Variants in CDK14 observed in about 807,000 individuals in gnomAD.
CDK14 encodes cyclin dependent kinase 14, also known as cyclin-dependent kinase 14.
CDK14 carries 34 observed loss-of-function variants against 60.7 expected under a neutral mutation model. The observed-to-expected ratio is 0.56, with a 90% confidence interval of 0.43 to 0.75. The LOEUF is 0.75. CDK14 is among the 30% of genes least tolerant of loss of function. CDK14 has a pLI of 0.00. For missense variants in CDK14, 482 were observed against 564.1 expected, an observed-to-expected ratio of 0.85 and a Z score of 1.47; for synonymous variants, 197 against 203.7, an observed-to-expected ratio of 0.97 and a Z score of 0.28.
At chr7:90,627,205 T>C (rs1457523085) in intron 2 of CDK14, among the ~76,000 whole-genome samples, 2 of 152,026 alleles carry the variant, frequency 1.3e-5, no homozygotes, top group East Asian at 1.9e-4. Flanking sequence ...GTGGCTACTA[T>C]TGGTCAGCAC....
chr7:90,984,028 A>G (rs1795312435), intron 9 of CDK14, 120 bp from the exon 10 acceptor site: 1 of 690,988 alleles, frequency 1.4e-6, no homozygotes, highest in African/African-American at 1.8e-5. Flanking sequence ...GTTAGAGGGG[A>G]AAAAGGAAAC....
chr7:91,145,423 A>T (rs950219066), intron 14 of CDK14, among the ~76,000 whole-genome samples: 1 of 152,224 alleles, frequency 6.6e-6, no homozygotes, highest in African/African-American at 2.4e-5. Context: ...GCCAGTCTTT[A>T]AAAGTCGCAA....
At chr7:90,910,031 G>A (rs1410827850) in intron 7 of CDK14, among the ~76,000 whole-genome samples, 2 of 152,086 alleles carry the variant, frequency 1.3e-5, no homozygotes, top group African/African-American at 2.4e-5. Context: ...AAAAATACAC[G>A]TGGAAGGACT....
At chr7:91,177,419 T>A (rs1192569828) in intron 14 of CDK14, among the ~76,000 whole-genome samples, 1,244 of 103,074 alleles carry the variant, frequency 0.012, no homozygotes, top group African/African-American at 0.017. Flanking sequence ...ATACCCTCTC[T>A]CACCACTCCT....
intron 14 of CDK14, among the ~76,000 whole-genome samples, chr7:91,135,635 A>G (rs1317235607): frequency 2.6e-5 from 4 of 152,150 alleles, no homozygotes; most frequent in Non-Finnish European, 5.9e-5. Context: ...GCAGAAGGAA[A>G]TCAGCTGAAG....
At chr7:90,687,470 TAGA>T (rs1801460526) in intron 2 of CDK14, among the ~76,000 whole-genome samples, 1 of 152,002 alleles carries the variant, frequency 6.6e-6, no homozygotes, top group African/African-American at 2.4e-5. Flanking sequence ...TTTGGTTTGA[TAGA>T]AGATGGAAAA....
At chr7:91,120,418 T>C (rs932580189) in intron 14 of CDK14, among the ~76,000 whole-genome samples, 1 of 152,218 alleles carries the variant, frequency 6.6e-6, no homozygotes, top group Non-Finnish European at 1.5e-5. Flanking sequence ...TCTTCACATA[T>C]ATTTTTTAAA....
intron 10 of CDK14, among the ~76,000 whole-genome samples, chr7:90,988,598 A>T (rs901705875): frequency 2.6e-5 from 4 of 152,304 alleles, no homozygotes; most frequent in African/African-American, 9.6e-5. Flanking sequence ...TGTATTCTAA[A>T]CATATTATTC....
At chr7:90,768,049 T>G (rs777841284) in intron 4 of CDK14, among the ~76,000 whole-genome samples, 4 of 152,270 alleles carry the variant, frequency 2.6e-5, no homozygotes, top group Non-Finnish European at 5.9e-5. Flanking sequence ...TCACATAAAC[T>G]GTCAGATACA....
intron 2 of CDK14, among the ~76,000 whole-genome samples, chr7:90,714,598 A>G (rs1563054374): frequency 1.3e-5 from 2 of 152,068 alleles, no homozygotes; most frequent in Non-Finnish European, 2.9e-5. Context: ...TCAAAGGTTC[A>G]TTGTTCCCAG....
intron 2 of CDK14, chr7:90,692,677 T>C: frequency 1.0e-6 from 1 of 979,868 alleles, no homozygotes; most frequent in Middle Eastern, 5.2e-4. Flanking sequence ...CTCTGCTTCC[T>C]GCCCCAGGAC....
intron 2 of CDK14, among the ~76,000 whole-genome samples, chr7:90,611,508 A>G (rs115964905): frequency 0.018 from 2,809 of 152,274 alleles, 82 homozygotes; most frequent in African/African-American, 0.064. Flanking sequence ...ACCTGATGCT[A>G]TCCTAACCTT....
chr7:91,109,253 A>AT (rs1291914294), intron 12 of CDK14, among the ~76,000 whole-genome samples: 1 of 152,130 alleles, frequency 6.6e-6, no homozygotes, highest in African/African-American at 2.4e-5. Flanking sequence ...TTGTTTTATT[A>AT]TACAATCAGT....
intron 8 of CDK14, among the ~76,000 whole-genome samples, chr7:90,926,324 CT>C (rs143261410): frequency 1.3e-5 from 2 of 151,934 alleles, no homozygotes; most frequent in Non-Finnish European, 1.5e-5. Context: ...CTTGAGGAAA[CT>C]TTAAGAAATG....
intron 10 of CDK14, among the ~76,000 whole-genome samples, chr7:90,997,467 T>C (rs941504909): frequency 6.6e-6 from 1 of 152,242 alleles, no homozygotes; most frequent in Admixed American, 6.5e-5. Context: ...TAAAAATAGA[T>C]GCAAATTCAT....
chr7:90,650,606 C>A lies in CDK14; in HGVS notation c.123+46357C>A, dbSNP rs183870448. ...ATGGTTTTAGGTCTAACATTTAAGT[C>A]TTTAATCCATCTTGAATTAATTTTT... On this transcript the variant is annotated intron_variant, in intron 2 of 14. Coordinates refer to ENST00000380050, the MANE Select transcript of CDK14 (RefSeq NM_001287135.2). 3.9e-3 allele frequency among the ~76,000 whole-genome samples: 589 copies of A among 152,278 alleles called. 2 individuals carry two copies. The highest frequency in any genetic ancestry group is 6.7e-3 in the Non-Finnish European group (453 of 68,010).
At chr7:90,830,275 C>T (rs1380976827) in intron 5 of CDK14, among the ~76,000 whole-genome samples, 1 of 152,192 alleles carries the variant, frequency 6.6e-6, no homozygotes. Flanking sequence ...GTCTTCTGCA[C>T]ACCCACAAGC....
intron 14 of CDK14, among the ~76,000 whole-genome samples, chr7:91,119,546 G>T (rs1799718068): frequency 1.3e-5 from 2 of 152,162 alleles, no homozygotes; most frequent in African/African-American, 2.4e-5. Flanking sequence ...CAGCATTGCA[G>T]TAGTTCCTCT....
intron 5 of CDK14, among the ~76,000 whole-genome samples, chr7:90,793,942 A>G (rs1805937367): frequency 6.6e-6 from 1 of 152,192 alleles, no homozygotes. Context: ...TACAATAAAC[A>G]ATTGTCTATC....
Sources: allele counts gnomAD v4.1 joint callset (sites outside exome capture counted in the v4.1 genomes callset), GRCh38; gene constraint gnomAD v4.1.1; transcripts MANE v1.5; gene names NCBI Gene and HGNC (gene_info 2026-07-23, HGNC 2026-07-21).